Variants in CBFA2T3 observed in about 807,000 individuals in gnomAD.
The protein encoded by CBFA2T3 is transcriptional corepressor CBFA2T3.
CBFA2T3 carries 31 observed loss-of-function variants against 58.6 expected under a neutral mutation model. That is an observed-to-expected ratio of 0.53 (90% CI 0.40 to 0.71). The LOEUF is 0.71. Ranked by LOEUF, CBFA2T3 falls within the 30% of genes least tolerant of loss-of-function variation. CBFA2T3 has a pLI of 0.00. For synonymous variants in CBFA2T3, 531 were observed against 421.9 expected (o/e 1.26, Z -3.17); for missense variants, 1,076 against 963.1 (o/e 1.12, Z -1.55).
intron 1 of CBFA2T3, among the ~76,000 whole-genome samples, chr16:88,927,063 C>T (rs1396215391): frequency 6.6e-6 from 1 of 152,224 alleles, no homozygotes; most frequent in South Asian, 2.1e-4. Flanking sequence ...CAGTGTCAAC[C>T]CCCACGGCCC....
At chr16:88,969,498 C>A (rs781086171) in intron 1 of CBFA2T3, among the ~76,000 whole-genome samples, 3 of 152,236 alleles carry the variant, frequency 2.0e-5, no homozygotes, top group Non-Finnish European at 4.4e-5. Context: ...CCACCCCAGC[C>A]TTCAGGAGGG....
chr16:88,908,128 G>C (rs898985795), intron 1 of CBFA2T3, among the ~76,000 whole-genome samples: 1 of 152,160 alleles, frequency 6.6e-6, no homozygotes, highest in Non-Finnish European at 1.5e-5. Context: ...AACCACTTGA[G>C]GTCAGGAGTT....
intron 7 of CBFA2T3, 126 bp downstream of exon 7, chr16:88,884,920 G>T: frequency 1.5e-6 from 1 of 676,562 alleles, no homozygotes; most frequent in Non-Finnish European, 2.4e-6. Context: ...AGGGGGAAGG[G>T]GTCTCCCGAG....
At chr16:88,957,895 A>G (rs895263360) in intron 1 of CBFA2T3, 3 of 152,194 alleles carry the variant, frequency 2.0e-5, no homozygotes, top group African/African-American at 7.2e-5. Flanking sequence ...TTGGGGGAAA[A>G]TGTTCTAAAA....
intron 5 of CBFA2T3, 68 bp from the exon 6 acceptor site, chr16:88,886,210 A>AG (rs1377380891): frequency 2.5e-6 from 3 of 1,223,920 alleles, no homozygotes; most frequent in Admixed American, 3.1e-5. Flanking sequence ...GTCCGAGCAG[A>AG]GGGGGCCTGG....
rs1968981671 is a variant in CBFA2T3 at position 88,879,546 on chromosome 16, G to C, written c.1472-86C>G. 4.0e-6 allele frequency: 5 copies of C among 1,248,248 alleles called. No individual in the cohort carries two copies. In the South Asian group the frequency reaches 5.3e-5, roughly 13 times the overall value. The allele number at this position is 1,248,248 out of a possible 1,614,324, so 77.3% of individuals were successfully genotyped here. A position where few individuals can be genotyped will look rare whatever the true frequency, so the allele number is the denominator to read the frequency against. ...TTCCTACGCGTGGCCACAACCTGGGGACAGGGGCTGTGTGCAGCTGAACAC... is the reference window on the plus strand; with the variant it reads ...TTCCTACGCGTGGCCACAACCTGGGCACAGGGGCTGTGTGCAGCTGAACAC... On this transcript the variant is annotated intron_variant, in intron 10 of 11. Coordinates refer to ENST00000268679, the MANE Select transcript of CBFA2T3 (RefSeq NM_005187.6).
chr16:88,959,115 G>A lies in CBFA2T3; in HGVS notation c.151+17542C>T, dbSNP rs532511693. The stretch of plus-strand genomic sequence containing the variant: ...AGGTCCCAGCAGCTGGAGGGGCAGC[G>A]CCCTGCTGATTGACGCGCTGAATCG... On this transcript the variant is annotated intron_variant, in intron 1 of 11. Transcript: ENST00000268679. Among the ~76,000 whole-genome samples, 122 of 152,286 alleles carry A rather than the reference G, an allele frequency of 8.0e-4. 2 individuals are homozygous for A. The South Asian group carries it at 0.012, about 15-fold the overall frequency.
At chr16:88,933,822 G>C (rs1358917693) in intron 1 of CBFA2T3, among the ~76,000 whole-genome samples, 2 of 152,130 alleles carry the variant, frequency 1.3e-5, no homozygotes, top group East Asian at 3.9e-4. Context: ...CCACGCGTAT[G>C]TGACTTGGTG....
intron 1 of CBFA2T3, among the ~76,000 whole-genome samples, chr16:88,933,281 G>A (rs571763988): frequency 1.3e-5 from 2 of 151,114 alleles, no homozygotes; most frequent in East Asian, 2.0e-4. Context: ...ACGTCTGCAC[G>A]CCTCTGCACA....
intron 1 of CBFA2T3, among the ~76,000 whole-genome samples, chr16:88,936,260 T>G (rs1028786954): frequency 1.3e-5 from 2 of 152,098 alleles, no homozygotes; most frequent in African/African-American, 2.4e-5. Context: ...GTATCTCCCA[T>G]CCTGGTCTCC....
rs570018362 is a variant in CBFA2T3 at position 88,974,841 on chromosome 16, C to T, written c.151+1816G>A. ...GCTTTCTGGCATCACAAGGCTCCCA[C>T]ATCTGTCCCCTGGGGGCCTTGGGAG... On this transcript the variant is annotated intron_variant, in intron 1 of 11. Coordinates refer to ENST00000268679, the MANE Select transcript of CBFA2T3 (RefSeq NM_005187.6). Among the ~76,000 whole-genome samples the T allele has an allele frequency of 1.4e-4, 21 of 152,296 alleles. No individual in the cohort carries two copies. In the East Asian group the frequency reaches 3.7e-3, roughly 27 times the overall value.
At chr16:88,923,434 G>A (rs1970985124) in intron 1 of CBFA2T3, among the ~76,000 whole-genome samples, 1 of 152,204 alleles carries the variant, frequency 6.6e-6, no homozygotes, top group Non-Finnish European at 1.5e-5. Flanking sequence ...GCTGAGTGGG[G>A]GCCTCTCAGA....
intron 1 of CBFA2T3, among the ~76,000 whole-genome samples, chr16:88,965,476 T>C (rs989319535): frequency 6.6e-6 from 1 of 152,212 alleles, no homozygotes; most frequent in African/African-American, 2.4e-5. Context: ...TTTAGAAGGA[T>C]ACTTGGTGCG....
chr16:88,925,780 G>C (rs1300034506), intron 1 of CBFA2T3, among the ~76,000 whole-genome samples: 1 of 152,234 alleles, frequency 6.6e-6, no homozygotes, highest in Non-Finnish European at 1.5e-5. Context: ...CGGGGGCTCA[G>C]AGCTGCTCCT....
At chr16:88,880,893 T>G (rs1018532976) in intron 9 of CBFA2T3, 105 bp from the exon 10 acceptor site, 7 of 1,088,016 alleles carry the variant, frequency 6.4e-6, no homozygotes, top group Non-Finnish European at 8.1e-6. Context: ...CGTGAGTGTG[T>G]GCGTCCCTGG....
chr16:88,932,025 C>T (rs557313354), intron 1 of CBFA2T3, among the ~76,000 whole-genome samples: 30 of 152,240 alleles, frequency 2.0e-4, no homozygotes, highest in South Asian at 6.2e-4. Context: ...GTACCCCACA[C>T]GCATGCACAC....
intron 1 of CBFA2T3, among the ~76,000 whole-genome samples, chr16:88,904,825 CCTCT>C (rs1219345534): frequency 6.6e-6 from 1 of 152,206 alleles, no homozygotes; most frequent in African/African-American, 2.4e-5. Context: ...AGCCTCTTCC[CCTCT>C]CTGAGCCTCA....
At chr16:88,908,246 G>A (rs899718706) in intron 1 of CBFA2T3, among the ~76,000 whole-genome samples, 2 of 152,090 alleles carry the variant, frequency 1.3e-5, no homozygotes, top group Non-Finnish European at 2.9e-5. Context: ...GGAGGCTGAG[G>A]CCGGAGAATT....
chr16:88,885,280 G>T lies in CBFA2T3; in HGVS notation c.894-11C>A. Reference sequence around the variant, plus strand: ...CCGTTCTCTTTGGTCCTAGCCCCAAGAGCAGGTGGGGCGAGGGCAGTGGAC... The same window carrying T: ...CCGTTCTCTTTGGTCCTAGCCCCAATAGCAGGTGGGGCGAGGGCAGTGGAC... On this transcript the variant is annotated splice_polypyrimidine_tract_variant and intron_variant, in intron 6 of 11. Transcript: ENST00000268679. The surrounding 1 kb of genome is among the most constrained non-coding windows in gnomAD (Gnocchi z 5.3). 1 of 1,520,210 alleles carries T rather than the reference G, an allele frequency of 6.6e-7. No homozygotes were observed. Among genetic ancestry groups the T allele is most frequent in the South Asian group, 1.3e-5 (1 of 78,708 alleles). The allele number at this position is 1,520,210 out of a possible 1,614,324, so 94.2% of individuals were successfully genotyped here.
Sources: gnomAD v4.1 joint callset for allele counts (sites outside exome capture counted in the v4.1 genomes callset) on GRCh38, gnomAD v4.1.1 for gene constraint, Gnocchi (gnomAD v3.1) non-coding constraint, MANE v1.5 for transcripts, NCBI Gene and HGNC (gene_info 2026-07-23, HGNC 2026-07-21) for gene names.